TMEM192: variants seen among roughly 807,000 people sequenced by gnomAD.
The protein encoded by TMEM192 is transmembrane protein 192.
In TMEM192, 20 loss-of-function variants were observed where a neutral mutation model predicts 26.7. That is an observed-to-expected ratio of 0.75 (90% CI 0.53 to 1.09). The LOEUF is 1.09. Ranked by LOEUF, TMEM192 falls within the 50% of genes least tolerant of loss-of-function variation. The pLI is 0.00. For synonymous variants in TMEM192, 124 were observed against 121.0 expected (o/e 1.02, Z -0.16); for missense variants, 304 against 322.6 (o/e 0.94, Z 0.44).
At chr4:165,104,904 T>A (rs868668940) in intron 1 of TMEM192, among the ~76,000 whole-genome samples, 6 of 152,324 alleles carry the variant, frequency 3.9e-5, no homozygotes, top group Non-Finnish European at 5.9e-5. Context: ...AGATTACTCC[T>A]GTTCTCTTCA....
At position 165,072,681 on chromosome 4, in the gene TMEM192, A is replaced by G. The variant is rs1262487201; in HGVS notation, c.*6977T>C. The stretch of plus-strand genomic sequence containing the variant: ...TGGTTGGACTCTGGGTATGTTTTAA[A>G]GGAAAAGCCAGCAGGATTTGCTGAT... On this transcript the variant is annotated 3_prime_UTR_variant, in exon 6 of 6. Transcript: ENST00000306480. The G allele has an allele frequency of 1.3e-5, 2 of 152,262 alleles. No individual in the cohort carries two copies. The highest frequency in any genetic ancestry group is 4.8e-5 in the African/African-American group (2 of 41,450). 9.4% of individuals were successfully genotyped at this position (152,262 alleles called of 1,614,324 possible). A position where few individuals can be genotyped will look rare whatever the true frequency, so the allele number is the denominator to read the frequency against.
chr4:165,080,084 A>C (rs577220527), intron 5 of TMEM192, among the ~76,000 whole-genome samples: 11 of 152,218 alleles, frequency 7.2e-5, no homozygotes, highest in Non-Finnish European at 1.5e-4. Context: ...AGAGTAAGAT[A>C]ATTGAGTATA....
At chr4:165,098,047 C>T (rs1194635877) in intron 3 of TMEM192, among the ~76,000 whole-genome samples, 2 of 151,852 alleles carry the variant, frequency 1.3e-5, no homozygotes, top group Non-Finnish European at 1.5e-5. Context: ...TCTCAAACTC[C>T]TGACCTCAAG....
chr4:165,084,595 C>A (rs1193170057), intron 5 of TMEM192, among the ~76,000 whole-genome samples: 1 of 151,794 alleles, frequency 6.6e-6, no homozygotes, highest in Non-Finnish European at 1.5e-5. Context: ...TTATATAGAT[C>A]CAAAAGCAGG....
At chr4:165,106,486 G>T (rs1381369579) in intron 1 of TMEM192, among the ~76,000 whole-genome samples, 1 of 152,222 alleles carries the variant, frequency 6.6e-6, no homozygotes, top group Non-Finnish European at 1.5e-5. Flanking sequence ...TGAGTCAGTG[G>T]ACTGGGAGAG....
intron 1 of TMEM192, among the ~76,000 whole-genome samples, chr4:165,109,861 T>C (rs1416632501): frequency 6.6e-6 from 1 of 152,238 alleles, no homozygotes; most frequent in South Asian, 2.1e-4. Context: ...GTTTATGTTC[T>C]CTATAAAACT....
intron 5 of TMEM192, among the ~76,000 whole-genome samples, chr4:165,081,005 G>A (rs1306061830): frequency 4.6e-5 from 7 of 152,000 alleles, no homozygotes; most frequent in Non-Finnish European, 7.4e-5. Context: ...GTGAGCCACC[G>A]CGCCCAGCCA....
At chr4:165,091,954 A>T (rs1422006425) in intron 3 of TMEM192, among the ~76,000 whole-genome samples, 1 of 152,138 alleles carries the variant, frequency 6.6e-6, no homozygotes, top group African/African-American at 2.4e-5. Flanking sequence ...GTACAGCAAC[A>T]GCAGAACTAA....
intron 1 of TMEM192, 23 bp downstream of exon 1, chr4:165,112,724 G>T: frequency 6.2e-7 from 1 of 1,608,398 alleles, no homozygotes. Context: ...GGGGCCAACC[G>T]CCCGCCGCCT....
intron 4 of TMEM192, 45 bp from the exon 5 acceptor site, chr4:165,085,733 T>G: frequency 1.4e-6 from 2 of 1,389,104 alleles, no homozygotes; most frequent in South Asian, 1.2e-5. Context: ...GAAAGACAAG[T>G]CTAGTTTCAT....
In TMEM192 at chr4:165,075,573, A is replaced by ATT. The variant is rs70952698; in HGVS notation, c.*4083_*4084dup. On this transcript the variant is annotated 3_prime_UTR_variant, in exon 6 of 6. Coordinates refer to ENST00000306480, the MANE Select transcript of TMEM192 (RefSeq NM_001100389.2). The stretch of plus-strand genomic sequence containing the variant: ...CCAGCCGAAATACAAAATTTTTAGT[A>ATT]TTTTTTTTTTTTTTTGAGATGGAGC... The ATT allele has an allele frequency of 4.9e-4, 66 of 135,784 alleles. No individual in the cohort carries two copies. Among genetic ancestry groups the ATT allele is most frequent in the East Asian group, 9.0e-4 (4 of 4,444 alleles). The allele number at this position is 135,784 out of a possible 1,614,324, so 8.4% of individuals were successfully genotyped here.
rs1224594104 is a variant in TMEM192 at position 165,088,528 on chromosome 4, T to C, written c.514A>G (p.Ile172Val). ...PEPGRLYLDL[I>V]LAILALELIC... is the part of the protein sequence containing the mutation. ...AGTTCCAGTGCCAAGATGGCCAGAA[T>C]GAGGTCAAGATACAATCTGCCAGGC... The change falls in exon 4 of 6, where the codon ATT becomes GTT. Residue 172 changes from isoleucine (I) to valine (V), a missense_variant. Ile to Val is a conservative substitution (Grantham distance 29, BLOSUM62 3). Transcript: ENST00000306480. The C allele has an allele frequency of 1.1e-5, 18 of 1,613,650 alleles. No individual in the cohort carries two copies. The East Asian group carries it at 4.0e-4, about 36-fold the overall frequency.
chr4:165,074,765 A>T lies in TMEM192; in HGVS notation c.*4893T>A, dbSNP rs1325338422. 1 of 146,760 alleles carries T rather than the reference A, an allele frequency of 6.8e-6. No homozygotes were observed. Among genetic ancestry groups the T allele is most frequent in the African/African-American group, 2.5e-5 (1 of 39,292 alleles). The allele number at this position is 146,760 out of a possible 1,614,324, so 9.1% of individuals were successfully genotyped here. A position where few individuals can be genotyped will look rare whatever the true frequency, so the allele number is the denominator to read the frequency against. On this transcript the variant is annotated 3_prime_UTR_variant, in exon 6 of 6. Transcript: ENST00000306480. Reference sequence around the variant, plus strand: ...GCCTTAATTTTGTATTTTTAGTAGAAATGGGGTTTCTCCATGTTGGTCAGG... The same window carrying T: ...GCCTTAATTTTGTATTTTTAGTAGATATGGGGTTTCTCCATGTTGGTCAGG...
chr4:165,105,860 T>C (rs1430202551), intron 1 of TMEM192, among the ~76,000 whole-genome samples: 1 of 152,136 alleles, frequency 6.6e-6, no homozygotes, highest in African/African-American at 2.4e-5. Context: ...CCCCAATAGT[T>C]CCCTGCTTTC....
In TMEM192 at chr4:165,078,452, A is replaced by G. The variant is rs1734438663; in HGVS notation, c.*1206T>C. 1 of 152,166 alleles carries G rather than the reference A, an allele frequency of 6.6e-6. No homozygotes were observed. The highest frequency in any genetic ancestry group is 2.1e-4 in the South Asian group (1 of 4,828). The allele number at this position is 152,166 out of a possible 1,614,324, so 9.4% of individuals were successfully genotyped here. A position where few individuals can be genotyped will look rare whatever the true frequency, so the allele number is the denominator to read the frequency against. On this transcript the variant is annotated 3_prime_UTR_variant, in exon 6 of 6. Coordinates refer to ENST00000306480, the MANE Select transcript of TMEM192 (RefSeq NM_001100389.2). Reference sequence around the variant, plus strand: ...ATCTTCAGAATCAGATATGTTTAATATCTGCATATAACTTAATATGCATTT... The same window carrying G: ...ATCTTCAGAATCAGATATGTTTAATGTCTGCATATAACTTAATATGCATTT...
chr4:165,086,670 C>A (rs962951767), intron 4 of TMEM192, among the ~76,000 whole-genome samples: 2 of 151,994 alleles, frequency 1.3e-5, no homozygotes, highest in African/African-American at 4.8e-5. Flanking sequence ...AGTGATCCAC[C>A]CGCTGAGGCC....
chr4:165,109,739 T>C (rs1452388573), intron 1 of TMEM192, among the ~76,000 whole-genome samples: 1 of 152,230 alleles, frequency 6.6e-6, no homozygotes, highest in Non-Finnish European at 1.5e-5. Context: ...TCTCCTAATA[T>C]GTCACTTTCA....
At position 165,088,533 on chromosome 4, in the gene TMEM192, T is replaced by A. The variant is rs1279847067; in HGVS notation, c.509A>T (p.Asp170Val). The change falls in exon 4 of 6, where the codon GAC (aspartate) becomes GTC (valine). Residue 170 changes from aspartate (D) to valine (V), a missense_variant. Physicochemically the swap from Asp to Val is radical, Grantham distance 152. Coordinates refer to ENST00000306480, the MANE Select transcript of TMEM192 (RefSeq NM_001100389.2). ...CAGTGCCAAGATGGCCAGAATGAGG[T>A]CAAGATACAATCTGCCAGGCTCTGG... ...SFPEPGRLYL[D>V]LILAILALEL... 2.4e-5 allele frequency: 39 copies of A among 1,613,406 alleles called. No homozygotes were observed. The highest frequency in any genetic ancestry group is 3.2e-5 in the Non-Finnish European group (38 of 1,179,808).
At chr4:165,098,854 C>T (rs995491743) in intron 3 of TMEM192, among the ~76,000 whole-genome samples, 6 of 151,424 alleles carry the variant, frequency 4.0e-5, no homozygotes, top group Admixed American at 2.0e-4. Flanking sequence ...CGTGCCACCA[C>T]ACCCGGCTAA....
Sources: allele counts gnomAD v4.1 joint callset (sites outside exome capture counted in the v4.1 genomes callset), GRCh38; gene constraint gnomAD v4.1.1; transcripts MANE v1.5; gene names NCBI Gene and HGNC (gene_info 2026-07-23, HGNC 2026-07-21).